C10orf67: variants seen among roughly 807,000 people sequenced by gnomAD.
C10orf67 encodes uncharacterized protein C10orf67, mitochondrial.
C10orf67 carries 60 observed loss-of-function variants against 35.6 expected under a neutral mutation model. That is an observed-to-expected ratio of 1.68 (90% confidence interval 1.37 to 2.09). The LOEUF is 2.09. Ranked by LOEUF, C10orf67 falls within the 30% of genes most tolerant of loss-of-function variation. The pLI, the probability that C10orf67 is intolerant of heterozygous loss-of-function variation, is 0.00. For synonymous variants in C10orf67, 167 were observed against 115.8 expected (o/e 1.44, Z -2.84); for missense variants, 474 against 330.2 (o/e 1.44, Z -3.38).
Position 23,223,601 on chromosome 10 carries a change from T to C in C10orf67, c.1567A>G (p.Lys523Glu), listed in dbSNP as rs2132107167. 1 of 717,446 alleles carries C rather than the reference T, an allele frequency of 1.4e-6. No individual in the cohort carries two copies. Among genetic ancestry groups the C allele is most frequent in the East Asian group, 2.7e-5 (1 of 37,274 alleles). 44.4% of individuals were successfully genotyped at this position (717,446 alleles called of 1,614,324 possible). A position where few individuals can be genotyped will look rare whatever the true frequency, so the allele number is the denominator to read the frequency against. The change falls in exon 15 of 16, where the codon AAA becomes GAA. Residue 523 changes from lysine (K) to glutamate (E), a missense_variant. Lys to Glu is a moderately conservative substitution (Grantham distance 56). Coordinates refer to ENST00000636213, the MANE Select transcript of C10orf67 (RefSeq NM_001371909.1). ...TTCCAACAATAATGATTCTTACCTT[T>C]TGGTGAAAGTTGAAGGGCTGCCTGA... ...SDQAALQLSP[K>E]GKLSESPKEE...
chr10:23,204,602 A>G (rs959936123), intron 15 of C10orf67, among the ~76,000 whole-genome samples: 18 of 152,360 alleles, frequency 1.2e-4, no homozygotes, highest in African/African-American at 3.4e-4. Flanking sequence ...GAATAAAAAA[A>G]GTGGGAAGAG....
At chr10:23,268,775 CACT>C (rs1420795969) in intron 8 of C10orf67, among the ~76,000 whole-genome samples, 1 of 152,206 alleles carries the variant, frequency 6.6e-6, no homozygotes, top group Non-Finnish European at 1.5e-5. Context: ...TTGCACAGCC[CACT>C]ACACGCCTAG....
chr10:23,334,104 C>T (rs1051296772), intron 1 of C10orf67, among the ~76,000 whole-genome samples: 4 of 152,276 alleles, frequency 2.6e-5, no homozygotes, highest in East Asian at 3.9e-4. Context: ...ATAGGACCAA[C>T]ATAAACTAAA....
chr10:23,255,078 G>C (rs572572393), intron 10 of C10orf67, among the ~76,000 whole-genome samples: 2 of 152,092 alleles, frequency 1.3e-5, no homozygotes, highest in Admixed American at 6.6e-5. Flanking sequence ...CCAGTAATGT[G>C]CCAGTGGGTG....
intron 4 of C10orf67, among the ~76,000 whole-genome samples, chr10:23,304,962 C>T (rs1829212785): frequency 6.6e-6 from 1 of 152,160 alleles, no homozygotes; most frequent in Non-Finnish European, 1.5e-5. Flanking sequence ...CATTGCAGAC[C>T]CAGCAGCAGC....
At chr10:23,250,039 G>A (rs757241151) in intron 12 of C10orf67, among the ~76,000 whole-genome samples, 1 of 152,146 alleles carries the variant, frequency 6.6e-6, no homozygotes, top group African/African-American at 2.4e-5. Flanking sequence ...AGATTTGAGA[G>A]GTTGAGGAAC....
intron 7 of C10orf67, among the ~76,000 whole-genome samples, chr10:23,283,369 T>C (rs1843428295): frequency 6.6e-6 from 1 of 152,352 alleles, no homozygotes; most frequent in Admixed American, 6.5e-5. Context: ...AATTAATTCA[T>C]GTCTGTATGA....
chr10:23,240,117 G>A (rs539846980), intron 12 of C10orf67, among the ~76,000 whole-genome samples: 11 of 152,182 alleles, frequency 7.2e-5, no homozygotes, highest in Non-Finnish European at 1.2e-4. Flanking sequence ...CCTGAGTCTG[G>A]GAGGTCAAGG....
intron 15 of C10orf67, among the ~76,000 whole-genome samples, chr10:23,222,071 CAT>C (rs1204788245): frequency 6.6e-6 from 1 of 152,030 alleles, no homozygotes; most frequent in African/African-American, 2.4e-5. Flanking sequence ...GATCATAAAA[CAT>C]ATTTATATTC....
intron 8 of C10orf67, among the ~76,000 whole-genome samples, chr10:23,275,724 C>T (rs1326771076): frequency 6.6e-6 from 1 of 152,040 alleles, no homozygotes; most frequent in Non-Finnish European, 1.5e-5. Context: ...TCTGTGTTTC[C>T]CTTGATGTTT....
chr10:23,265,790 TC>T (rs1842870100), intron 10 of C10orf67, among the ~76,000 whole-genome samples: 1 of 152,156 alleles, frequency 6.6e-6, no homozygotes, highest in African/African-American at 2.4e-5. Flanking sequence ...GTTGTGATGA[TC>T]TGGGGAAAGG....
At chr10:23,299,180 C>T (rs1341815468) in intron 5 of C10orf67, among the ~76,000 whole-genome samples, 1 of 152,140 alleles carries the variant, frequency 6.6e-6, no homozygotes, top group Non-Finnish European at 1.5e-5. Context: ...TGAGATCTTC[C>T]ACTAACCTCC....
chr10:23,279,634 T>A (rs1213198597), intron 8 of C10orf67, among the ~76,000 whole-genome samples: 1 of 152,190 alleles, frequency 6.6e-6, no homozygotes. Flanking sequence ...TCAATCATGG[T>A]GTTTTTCTGA....
At chr10:23,262,386 G>C (rs1173017577) in intron 10 of C10orf67, among the ~76,000 whole-genome samples, 1 of 151,818 alleles carries the variant, frequency 6.6e-6, no homozygotes, top group African/African-American at 2.4e-5. Context: ...TCACCTCGCT[G>C]TCTGTGGGCT....
chr10:23,259,523 C>T (rs1842691797), intron 10 of C10orf67, among the ~76,000 whole-genome samples: 1 of 151,906 alleles, frequency 6.6e-6, no homozygotes, highest in East Asian at 1.9e-4. Flanking sequence ...GACAAAAAGT[C>T]CAGGAAAAAA....
At chr10:23,264,302 G>A (rs1367121041) in intron 10 of C10orf67, among the ~76,000 whole-genome samples, 1 of 152,184 alleles carries the variant, frequency 6.6e-6, no homozygotes, top group Non-Finnish European at 1.5e-5. Flanking sequence ...GGTAATAACA[G>A]TGAACTAGAA....
intron 4 of C10orf67, among the ~76,000 whole-genome samples, chr10:23,316,327 A>T (rs746266640): frequency 2.6e-4 from 39 of 152,312 alleles, no homozygotes; most frequent in Middle Eastern, 3.4e-3. Flanking sequence ...ATAGGGGAAC[A>T]CAGTGGCACC....
Position 23,344,590 on chromosome 10 carries a change from G to T in C10orf67, c.185C>A (p.Pro62Gln). Residue 62 changes from proline (P) to glutamine (Q), a missense_variant, in exon 1 of 16, where the codon CCG becomes CAG. Transcript: ENST00000636213. ...RKREAREFKP[P>Q]QMRGSTRLNI... ...CTACCTCGTGGACCCGCGCATTTGC[G>T]GGGGCTTGAATTCCCGAGCTTCTCG... 3 of 1,578,884 alleles carry T rather than the reference G, an allele frequency of 1.9e-6. No individual in the cohort carries two copies. The highest frequency in any genetic ancestry group is 2.1e-4 in the Middle Eastern group (1 of 4,764).
At chr10:23,215,631 T>C (rs1010305256) in intron 15 of C10orf67, among the ~76,000 whole-genome samples, 1 of 152,116 alleles carries the variant, frequency 6.6e-6, no homozygotes, top group African/African-American at 2.4e-5. Context: ...TAGAAGAGGG[T>C]AATCCTTCCC....
Sources: gnomAD v4.1 joint callset for allele counts (sites outside exome capture counted in the v4.1 genomes callset) on GRCh38, gnomAD v4.1.1 for gene constraint, MANE v1.5 for transcripts, NCBI Gene and HGNC (gene_info 2026-07-23, HGNC 2026-07-21) for gene names.